Variants in GRIK4 observed in about 807,000 individuals in gnomAD.
GRIK4 encodes glutamate receptor ionotropic, kainate 4.
GRIK4 carries 40 observed loss-of-function variants against 104.9 expected under a neutral mutation model. The ratio of observed to expected loss-of-function variants is 0.38; its 90% CI spans 0.30 to 0.50. The LOEUF (loss-of-function observed/expected upper bound fraction) is 0.50. GRIK4 is among the 20% of genes least tolerant of loss of function. The probability of loss-of-function intolerance (pLI) is 0.93; values close to 1 mark genes in which losing one functional copy is unlikely to be tolerated. For synonymous variants in GRIK4, 485 were observed against 524.9 expected (o/e 0.92, Z 1.04); for missense variants, 1,047 against 1,308.1 (o/e 0.80, Z 3.08).
At chr11:120,566,844 C>T (rs1948331328) in intron 1 of GRIK4, among the ~76,000 whole-genome samples, 1 of 151,872 alleles carries the variant, frequency 6.6e-6, no homozygotes, top group South Asian at 2.1e-4. Context: ...GCTGGGACTA[C>T]AGGCGCGTGC....
intron 8 of GRIK4, among the ~76,000 whole-genome samples, chr11:120,849,161 G>A (rs7939689): frequency 0.33 from 49,527 of 151,390 alleles, 9,016 homozygotes; most frequent in East Asian, 0.61. Context: ...CCCCCAACGC[G>A]CGCACACACA....
intron 14 of GRIK4, among the ~76,000 whole-genome samples, chr11:120,950,233 G>C (rs893634849): frequency 1.3e-5 from 2 of 152,308 alleles, no homozygotes; most frequent in South Asian, 4.2e-4. Context: ...ATCACAAGTA[G>C]AATCAGATGT....
chr11:120,898,425 C>A, intron 11 of GRIK4, 107 bp from the exon 12 acceptor site: 1 of 693,426 alleles, frequency 1.4e-6, no homozygotes, highest in Non-Finnish European at 2.7e-6. Context: ...ACTCCACACC[C>A]CTCCCTGCTC....
chr11:120,610,086 C>T (rs1949014988), intron 1 of GRIK4, among the ~76,000 whole-genome samples: 1 of 152,164 alleles, frequency 6.6e-6, no homozygotes, highest in Non-Finnish European at 1.5e-5. Context: ...TCTCCTGTCT[C>T]TCGCTTCTTG....
At chr11:120,918,185 T>C (rs1214494149) in intron 13 of GRIK4, among the ~76,000 whole-genome samples, 2 of 152,122 alleles carry the variant, frequency 1.3e-5, no homozygotes, top group African/African-American at 4.8e-5. Flanking sequence ...TCTGCCTTGC[T>C]CTCCTTCCCA....
rs919544839 is a variant in GRIK4 at position 120,967,085 on chromosome 11, C to T, written c.2267-110C>T. The T allele has an allele frequency of 1.2e-5, 15 of 1,235,406 alleles. No homozygotes were observed. The highest frequency in any genetic ancestry group is 3.0e-5 in the African/African-American group (2 of 66,520). 76.5% of individuals were successfully genotyped at this position (1,235,406 alleles called of 1,614,324 possible). The stretch of plus-strand genomic sequence containing the variant: ...CCCGCTGCATCTGTCTGTCCCCTCT[C>T]GAGGTGAAAGCAGGCAGGGTGGCCA... On this transcript the variant is annotated intron_variant, in intron 18 of 20. Transcript: ENST00000527524. This position sits in a 1 kb window ranked among gnomAD's most constrained non-coding sequence, Gnocchi z 4.2.
intron 3 of GRIK4, among the ~76,000 whole-genome samples, chr11:120,793,592 G>A (rs529637113): frequency 6.6e-6 from 1 of 152,270 alleles, no homozygotes; most frequent in East Asian, 1.9e-4. Context: ...CTGAGAGCAG[G>A]GTGATGGTTG....
chr11:120,796,764 A>C (rs1398135252), intron 3 of GRIK4, among the ~76,000 whole-genome samples: 5 of 151,638 alleles, frequency 3.3e-5, no homozygotes, highest in Non-Finnish European at 2.9e-5. Context: ...GCCATGCCAG[A>C]GACTCAACAG....
At chr11:120,804,377 A>T (rs1233093231) in intron 4 of GRIK4, among the ~76,000 whole-genome samples, 2 of 152,186 alleles carry the variant, frequency 1.3e-5, no homozygotes, top group African/African-American at 4.8e-5. Flanking sequence ...CAAGCATCAC[A>T]TGTGGGGTGT....
intron 13 of GRIK4, among the ~76,000 whole-genome samples, chr11:120,930,352 CAGTAAT>C (rs1226119125): frequency 6.6e-6 from 1 of 152,170 alleles, no homozygotes; most frequent in Non-Finnish European, 1.5e-5. Context: ...ATGTAAACAG[CAGTAAT>C]AGTAAGAGCT....
intron 13 of GRIK4, among the ~76,000 whole-genome samples, chr11:120,928,478 C>G (rs1943403152): frequency 6.6e-6 from 1 of 152,094 alleles, no homozygotes; most frequent in Non-Finnish European, 1.5e-5. Context: ...AGTCGGGATT[C>G]AAACATGCAT....
intron 6 of GRIK4, among the ~76,000 whole-genome samples, chr11:120,820,722 C>T (rs375910063): frequency 6.6e-5 from 10 of 152,266 alleles, no homozygotes; most frequent in African/African-American, 2.2e-4. Flanking sequence ...CACTGCAGAG[C>T]GATTCCATCT....
intron 14 of GRIK4, among the ~76,000 whole-genome samples, chr11:120,947,401 CAAA>C (rs34759788): frequency 7.3e-5 from 9 of 124,082 alleles, no homozygotes; most frequent in Non-Finnish European, 8.5e-5. Context: ...GACTCTGTCT[CAAA>C]AAAAAAAAAA....
chr11:120,960,795 T>G (rs1591335713), intron 16 of GRIK4, 114 bp from the exon 17 acceptor site: 14 of 738,964 alleles, frequency 1.9e-5, no homozygotes, highest in Non-Finnish European at 3.1e-5. Flanking sequence ...AGCTGAAAGC[T>G]CTTTCATAAG....
chr11:120,561,614 C>T (rs1044277225), intron 1 of GRIK4, among the ~76,000 whole-genome samples: 1 of 152,234 alleles, frequency 6.6e-6, no homozygotes, highest in African/African-American at 2.4e-5. Flanking sequence ...GTGTCCCAGG[C>T]CACACCTTCG....
intron 3 of GRIK4, among the ~76,000 whole-genome samples, chr11:120,743,842 G>A (rs1214232148): frequency 3.3e-5 from 5 of 152,238 alleles, no homozygotes; most frequent in Non-Finnish European, 7.3e-5. Flanking sequence ...TAAAATGGGA[G>A]CAATAGTATC....
chr11:120,743,092 T>C (rs1270169961), intron 3 of GRIK4, among the ~76,000 whole-genome samples: 1 of 151,968 alleles, frequency 6.6e-6, no homozygotes, highest in Non-Finnish European at 1.5e-5. Flanking sequence ...TTGTCAGGTG[T>C]GGTGGCGGGT....
chr11:120,877,736 G>A (rs946767567), intron 11 of GRIK4, among the ~76,000 whole-genome samples: 1 of 152,124 alleles, frequency 6.6e-6, no homozygotes, highest in African/African-American at 2.4e-5. Context: ...AAGAAAACGG[G>A]GAAAGGAGAA....
intron 3 of GRIK4, among the ~76,000 whole-genome samples, chr11:120,737,871 A>C (rs1951254730): frequency 6.6e-6 from 1 of 152,226 alleles, no homozygotes; most frequent in Non-Finnish European, 1.5e-5. Flanking sequence ...ATAATGATTC[A>C]GTAAACCATT....
Sources: gnomAD v4.1 joint callset for allele counts (sites outside exome capture counted in the v4.1 genomes callset) on GRCh38, gnomAD v4.1.1 for gene constraint, Gnocchi (gnomAD v3.1) non-coding constraint, MANE v1.5 for transcripts, NCBI Gene and HGNC (gene_info 2026-07-23, HGNC 2026-07-21) for gene names.